Variants in GPC5 observed in about 807,000 individuals in gnomAD.
The protein encoded by GPC5 is glypican-5.
Under a neutral mutation model 53.9 loss-of-function variants are expected in GPC5, and 47 were observed. The observed-to-expected ratio is 0.87, with a 90% CI of 0.69 to 1.11. The LOEUF (loss-of-function observed/expected upper bound fraction) is 1.11. GPC5 is among the 50% of genes most tolerant of loss of function. GPC5 has a pLI of 0.00. For missense variants in GPC5, 748 were observed against 713.1 expected (o/e 1.05, Z -0.56); for synonymous variants, 286 against 263.3 (o/e 1.09, Z -0.84).
At chr13:91,498,174 C>A (rs901347389) in intron 2 of GPC5, among the ~76,000 whole-genome samples, 1 of 149,292 alleles carries the variant, frequency 6.7e-6, no homozygotes. Context: ...TTTGTCTTGG[C>A]TGTTTGCTTT....
At chr13:91,707,684 G>A (rs2036137133) in intron 3 of GPC5, among the ~76,000 whole-genome samples, 1 of 152,182 alleles carries the variant, frequency 6.6e-6, no homozygotes, top group Non-Finnish European at 1.5e-5. Flanking sequence ...GGAAAAAACT[G>A]AGCATGCAAA....
chr13:92,317,630 C>T (rs2043188182), intron 7 of GPC5, among the ~76,000 whole-genome samples: 1 of 151,636 alleles, frequency 6.6e-6, no homozygotes, highest in African/African-American at 2.4e-5. Context: ...AGAAGCTGGG[C>T]TTACAGGCAT....
At chr13:91,766,827 T>C (rs1250684102) in intron 5 of GPC5, among the ~76,000 whole-genome samples, 1 of 152,122 alleles carries the variant, frequency 6.6e-6, no homozygotes, top group Non-Finnish European at 1.5e-5. Context: ...ACCACTGCAC[T>C]CCAGCCTGGG....
intron 7 of GPC5, among the ~76,000 whole-genome samples, chr13:92,393,759 G>GT (rs904101939): frequency 6.6e-5 from 10 of 152,128 alleles, no homozygotes; most frequent in Non-Finnish European, 1.2e-4. Context: ...TAACTATTGG[G>GT]TACTGGACTT....
At chr13:92,140,487 C>A (rs1359959261) in intron 6 of GPC5, among the ~76,000 whole-genome samples, 1 of 151,936 alleles carries the variant, frequency 6.6e-6, no homozygotes. Context: ...TTGCCTCCTG[C>A]AAAATTTCTC....
chr13:91,625,571 CTT>C (rs2033977296), intron 2 of GPC5, among the ~76,000 whole-genome samples: 1 of 151,922 alleles, frequency 6.6e-6, no homozygotes, highest in Non-Finnish European at 1.5e-5. Context: ...AGTAAACAGA[CTT>C]AATATCTAAA....
At chr13:91,903,701 ACT>A (rs1401835677) in intron 5 of GPC5, among the ~76,000 whole-genome samples, 2 of 152,064 alleles carry the variant, frequency 1.3e-5, no homozygotes, top group African/African-American at 4.8e-5. Context: ...AAGAAGAGTG[ACT>A]CTGAAATATT....
At chr13:92,109,617 C>T (rs1234140334) in intron 6 of GPC5, among the ~76,000 whole-genome samples, 3 of 152,114 alleles carry the variant, frequency 2.0e-5, no homozygotes, top group Non-Finnish European at 4.4e-5. Context: ...GACACTAAAA[C>T]AATGACAGGT....
intron 6 of GPC5, among the ~76,000 whole-genome samples, chr13:92,083,070 C>G (rs1436216147): frequency 6.6e-6 from 1 of 152,138 alleles, no homozygotes; most frequent in Non-Finnish European, 1.5e-5. Flanking sequence ...GCTTAAAATA[C>G]TTAAGCTAGA....
chr13:91,861,108 C>A (rs891808857), intron 5 of GPC5, among the ~76,000 whole-genome samples: 1 of 152,096 alleles, frequency 6.6e-6, no homozygotes, highest in Middle Eastern at 3.4e-3. Context: ...ACTTAAAATC[C>A]GTTTAAACTT....
intron 7 of GPC5, among the ~76,000 whole-genome samples, chr13:92,252,322 G>A (rs115427789): frequency 2.0e-5 from 3 of 152,118 alleles, no homozygotes; most frequent in Admixed American, 6.6e-5. Context: ...ATAAACTATA[G>A]ATAACTCATT....
intron 2 of GPC5, among the ~76,000 whole-genome samples, chr13:91,617,289 G>C (rs1046092778): frequency 2.0e-5 from 3 of 152,070 alleles, no homozygotes; most frequent in African/African-American, 7.2e-5. Context: ...TGCATAGGCT[G>C]GGGGGAAGAC....
rs181492933 is a variant in GPC5 at position 91,843,576 on chromosome 13, T to C, written c.1281-64361T>C. On this transcript the variant is annotated intron_variant, in intron 5 of 7. Coordinates refer to ENST00000377067, the MANE Select transcript of GPC5 (RefSeq NM_004466.6). ...ACCTTGTAATAGTCTTCAGATACTG[T>C]TTTAAAACAACTGAGAAATTACTTA... is the stretch of plus-strand genomic sequence containing the variant. Among the ~76,000 whole-genome samples, 90 of 152,290 alleles carry C rather than the reference T, an allele frequency of 5.9e-4. 1 individual carries two copies. The highest frequency in any genetic ancestry group is 2.0e-3 in the African/African-American group (83 of 41,556).
At chr13:92,554,937 G>GTTTTTTTTTTTTTT (rs148890213) in intron 7 of GPC5, among the ~76,000 whole-genome samples, 2 of 147,136 alleles carry the variant, frequency 1.4e-5, no homozygotes, top group African/African-American at 5.0e-5. Flanking sequence ...TAAGTTTTGA[G>GTTTTTTTTTTTTTT]TTTGTTTTTT....
chr13:91,517,259 A>G (rs1885554399), intron 2 of GPC5, among the ~76,000 whole-genome samples: 1 of 152,146 alleles, frequency 6.6e-6, no homozygotes, highest in Admixed American at 6.5e-5. Context: ...GATAAAACTG[A>G]ATGCCTTTAA....
chr13:92,850,670 G>A (rs533181721), intron 7 of GPC5, among the ~76,000 whole-genome samples: 3 of 152,024 alleles, frequency 2.0e-5, no homozygotes, highest in Non-Finnish European at 4.4e-5. Flanking sequence ...AAAGAAGAAA[G>A]GTCTATAAAG....
At chr13:92,447,583 T>G (rs1169678136) in intron 7 of GPC5, 1 of 152,120 alleles carries the variant, frequency 6.6e-6, no homozygotes. Flanking sequence ...CTTCAAATGA[T>G]GTAAATGATT....
At chr13:91,535,080 G>A (rs888700955) in intron 2 of GPC5, among the ~76,000 whole-genome samples, 3 of 151,912 alleles carry the variant, frequency 2.0e-5, no homozygotes, top group Non-Finnish European at 4.4e-5. Flanking sequence ...TTAGCTCTAC[G>A]CCTTTGCTCT....
intron 5 of GPC5, among the ~76,000 whole-genome samples, chr13:91,842,976 T>C (rs1375731017): frequency 1.3e-5 from 2 of 152,190 alleles, no homozygotes; most frequent in Non-Finnish European, 2.9e-5. Context: ...GTGATTTTAA[T>C]TGGCAATATT....
Sources: allele counts gnomAD v4.1 joint callset (sites outside exome capture counted in the v4.1 genomes callset), GRCh38; gene constraint gnomAD v4.1.1; transcripts MANE v1.5; gene names NCBI Gene and HGNC (gene_info 2026-07-23, HGNC 2026-07-21).